Variants in LRRC69 observed in about 807,000 individuals in gnomAD.
LRRC69 encodes leucine-rich repeat-containing protein 69.
LRRC69 carries 42 observed loss-of-function variants against 37.8 expected under a neutral mutation model. The observed-to-expected ratio is 1.11, with a 90% confidence interval of 0.87 to 1.44. The LOEUF is 1.44. LRRC69 is among the 40% of genes most tolerant of loss of function. The probability of loss-of-function intolerance (pLI) is 0.00; values close to 1 mark genes in which losing one functional copy is unlikely to be tolerated. For missense variants in LRRC69, 357 were observed against 401.9 expected, an observed-to-expected ratio of 0.89 and a Z score of 0.96; for synonymous variants, 141 against 143.1, an observed-to-expected ratio of 0.99 and a Z score of 0.11.
chr8:91,139,367 C>G (rs866058953), intron 5 of LRRC69, among the ~76,000 whole-genome samples: 9 of 151,998 alleles, frequency 5.9e-5, no homozygotes, highest in Non-Finnish European at 4.4e-5. Context: ...CAGTTAAACC[C>G]CATCTCTACT....
At chr8:91,147,247 TATAATATATATTATATATAAAC>T (rs922617886) in intron 5 of LRRC69, among the ~76,000 whole-genome samples, 9 of 120,954 alleles carry the variant, frequency 7.4e-5, no homozygotes, top group East Asian at 4.5e-4. Context: ...TATATAAACA[TATAATATATATTATATATAAAC>T]ATATATTATA....
At chr8:91,189,754 A>T (rs1161446874) in intron 6 of LRRC69, 131 bp downstream of exon 6, 1 of 522,586 alleles carries the variant, frequency 1.9e-6, no homozygotes, top group Non-Finnish European at 3.3e-6. Context: ...GGCAATGTGG[A>T]TCCTATACAT....
At chr8:91,168,719 G>GT (rs988229101) in intron 5 of LRRC69, among the ~76,000 whole-genome samples, 10 of 105,804 alleles carry the variant, frequency 9.5e-5, no homozygotes, top group South Asian at 3.5e-4. Context: ...TGTGTTGTCT[G>GT]TTTTTTTGTG....
chr8:91,212,814 A>G (rs1586293689), intron 7 of LRRC69, among the ~76,000 whole-genome samples: 1 of 152,312 alleles, frequency 6.6e-6, no homozygotes, highest in East Asian at 1.9e-4. Context: ...TGAAAGTCAT[A>G]AGTATTTATT....
intron 7 of LRRC69, among the ~76,000 whole-genome samples, chr8:91,215,153 A>G (rs563107717): frequency 7.2e-4 from 109 of 152,022 alleles, no homozygotes; most frequent in Non-Finnish European, 1.2e-3. Context: ...CCAACTTGCA[A>G]TGTCCCTTTT....
rs66705016 is a variant in LRRC69, at chr8:91,166,492, GAA to G, written c.652-23007_652-23006del. Among the ~76,000 whole-genome samples the G allele has an allele frequency of 5.4e-3, 510 of 95,210 alleles. 4 individuals are homozygous for G. Among genetic ancestry groups the G allele is most frequent in the African/African-American group, 0.024 (465 of 19,496 alleles). The allele number at this position is 95,210 out of a possible 152,430, so 62.5% of individuals were successfully genotyped here. A position where few individuals can be genotyped will look rare whatever the true frequency, so the allele number is the denominator to read the frequency against. ...GGAAGAGGGGGTTGTAAAATAAACTGAAAAAAAAAAAAAAAAAAAAAAAACCT... is the reference window on the plus strand; with the variant it reads ...GGAAGAGGGGGTTGTAAAATAAACTGAAAAAAAAAAAAAAAAAAAAAACCT... On this transcript the variant is annotated intron_variant, in intron 5 of 7. Transcript: ENST00000448384.
intron 5 of LRRC69, among the ~76,000 whole-genome samples, chr8:91,136,027 C>A (rs1020887565): frequency 4.0e-5 from 6 of 151,898 alleles, no homozygotes; most frequent in African/African-American, 1.4e-4. Context: ...TGCTTTTGGT[C>A]ACCTCTGGCT....
rs975766386 is a variant in LRRC69 at position 91,158,127 on chromosome 8, G to A, written c.651+22388G>A. 9 of 1,589,098 alleles carry A rather than the reference G, an allele frequency of 5.7e-6. No individual in the cohort carries two copies. In the Admixed American group the frequency reaches 6.7e-5, roughly 12 times the overall value. The stretch of plus-strand genomic sequence containing the variant: ...TCTACATTTATTCCAGCATTACCAG[G>A]TGAAACTCTCACTTACCTATGGAAA... On this transcript the variant is annotated intron_variant, in intron 5 of 7. Coordinates refer to ENST00000448384, the Ensembl canonical transcript of LRRC69.
Position 91,148,206 on chromosome 8 carries a change from A to G in LRRC69, c.651+12467A>G, listed in dbSNP as rs371464243. ...ATTAACTTGTCATTTAACATTAGGT[A>G]TATCTCCTAATGCTATACCTCCCCG... On this transcript the variant is annotated intron_variant, in intron 5 of 7. Coordinates refer to ENST00000448384, the Ensembl canonical transcript of LRRC69. 1.1e-4 allele frequency among the ~76,000 whole-genome samples: 16 copies of G among 151,696 alleles called. No individual in the cohort carries two copies. The South Asian group carries it at 2.1e-3, about 20-fold the overall frequency.
In LRRC69 at chr8:91,186,820, A is replaced by G. The variant is rs571976735; in HGVS notation, c.652-2702A>G. 2.6e-5 allele frequency among the ~76,000 whole-genome samples: 4 copies of G among 152,138 alleles called. No individual in the cohort carries two copies. In the East Asian group the frequency reaches 7.7e-4, roughly 29 times the overall value. Reference sequence around the variant, plus strand: ...TTGTGTGGGGGTGGTGAGGAGGTGGATGGGATGGAGGATGGAAAGAGAGGT... The same window carrying G: ...TTGTGTGGGGGTGGTGAGGAGGTGGGTGGGATGGAGGATGGAAAGAGAGGT... On this transcript the variant is annotated intron_variant, in intron 5 of 7. Coordinates refer to ENST00000448384, the Ensembl canonical transcript of LRRC69.
chr8:91,202,129 C>G (rs573773679), intron 7 of LRRC69, among the ~76,000 whole-genome samples: 2 of 152,230 alleles, frequency 1.3e-5, no homozygotes, highest in African/African-American at 4.8e-5. Flanking sequence ...TCACTTGAAT[C>G]TGGGAGGCAG....
chr8:91,158,068 C>G, intron 5 of LRRC69: 1 of 1,398,872 alleles, frequency 7.1e-7, no homozygotes, highest in South Asian at 1.2e-5. Context: ...CAAGGCCCTA[C>G]TCAATACATG....
chr8:91,206,394 A>C (rs1230348694), intron 7 of LRRC69, among the ~76,000 whole-genome samples: 2 of 152,208 alleles, frequency 1.3e-5, no homozygotes, highest in Admixed American at 6.5e-5. Context: ...CATCGGTGGG[A>C]AAATGAGGAT....
At chr8:91,109,962 T>TA (rs1813381458) in intron 1 of LRRC69, among the ~76,000 whole-genome samples, 1 of 152,002 alleles carries the variant, frequency 6.6e-6, no homozygotes, top group African/African-American at 2.4e-5. Flanking sequence ...CAGATTTCTT[T>TA]AAAAAAAGGC....
At chr8:91,214,543 A>G (rs996822892) in intron 7 of LRRC69, among the ~76,000 whole-genome samples, 1 of 152,168 alleles carries the variant, frequency 6.6e-6, no homozygotes, top group Non-Finnish European at 1.5e-5. Context: ...AATTTAGTGA[A>G]CTTAGATTCT....
intron 5 of LRRC69, among the ~76,000 whole-genome samples, chr8:91,171,529 A>G (rs7839085): frequency 0.68 from 103,115 of 151,844 alleles, 35,572 homozygotes; most frequent in African/African-American, 0.74. Flanking sequence ...AGAGTTTTCA[A>G]ACTTCTGAGA....
chr8:91,158,613 C>T (rs1342457113), intron 5 of LRRC69: 3 of 1,420,768 alleles, frequency 2.1e-6, no homozygotes, highest in Non-Finnish European at 3.0e-6. Context: ...TGACATTTTC[C>T]CTGGAACATA....
chr8:91,154,064 C>G (rs556276495), intron 5 of LRRC69, among the ~76,000 whole-genome samples: 1 of 151,712 alleles, frequency 6.6e-6, no homozygotes, highest in Non-Finnish European at 1.5e-5. Context: ...ATAGAAACAA[C>G]CATCAGAGAA....
In LRRC69 at chr8:91,200,785, C is replaced by T. The variant is rs922463420; in HGVS notation, c.926C>T (p.Pro309Leu). The T allele has an allele frequency of 1.3e-6, 2 of 1,529,458 alleles. No individual in the cohort carries two copies. Among genetic ancestry groups the T allele is most frequent in the African/African-American group, 2.8e-5 (2 of 71,642 alleles). The allele number at this position is 1,529,458 out of a possible 1,614,324, so 94.7% of individuals were successfully genotyped here. Residue 309 changes from proline (P) to leucine (L), a missense_variant, in exon 7 of 8, where the codon CCA becomes CTA. By Grantham distance (98) the Pro-to-Leu change is moderately conservative. Transcript: ENST00000448384. ...CTGGAATGTGTTCGATTTGTTCCTC[C>T]ACCAAAGGTAAATGATGCTTTTTAT...
Sources: gnomAD v4.1 joint callset for allele counts (sites outside exome capture counted in the v4.1 genomes callset) on GRCh38, gnomAD v4.1.1 for gene constraint, MANE v1.5 for transcripts, NCBI Gene and HGNC (gene_info 2026-07-23, HGNC 2026-07-21) for gene names.